The following GRM1 variants were observed in gnomAD, a reference collection of about 807,000 sequenced individuals.
GRM1 encodes glutamate metabotropic receptor 1, also known as metabotropic glutamate receptor 1.
GRM1 carries 33 observed loss-of-function variants against 90.9 expected under a neutral mutation model. That is an observed-to-expected ratio of 0.36 (90% CI 0.28 to 0.49). The LOEUF is 0.49. Among genes scored for constraint, GRM1 ranks in the 20% least tolerant of loss-of-function variants. GRM1 has a pLI of 0.99. For missense variants in GRM1, 1,190 were observed against 1,534.3 expected, an observed-to-expected ratio of 0.78 and a Z score of 3.75; for synonymous variants, 700 against 613.2, an observed-to-expected ratio of 1.14 and a Z score of -2.09.
chr6:146,332,655 T>A (rs1784624599), intron 3 of GRM1, among the ~76,000 whole-genome samples: 1 of 152,218 alleles, frequency 6.6e-6, no homozygotes, highest in African/African-American at 2.4e-5. Context: ...TTAATCTTAA[T>A]TACATATGTA....
chr6:146,271,448 G>A (rs1206460126), intron 2 of GRM1, among the ~76,000 whole-genome samples: 2 of 152,168 alleles, frequency 1.3e-5, no homozygotes, highest in East Asian at 1.9e-4. Flanking sequence ...GAAGCTGGTG[G>A]AGGTGGACAG....
At chr6:146,186,798 C>T (rs986515562) in intron 2 of GRM1, among the ~76,000 whole-genome samples, 1 of 152,128 alleles carries the variant, frequency 6.6e-6, no homozygotes, top group Non-Finnish European at 1.5e-5. Context: ...TTTAAACCCA[C>T]AAAGGTTTAT....
chr6:146,190,448 A>C (rs993401281), intron 2 of GRM1, among the ~76,000 whole-genome samples: 1 of 152,154 alleles, frequency 6.6e-6, no homozygotes, highest in South Asian at 2.1e-4. Context: ...AAAAAGTTTC[A>C]CTAAAAATGA....
intron 1 of GRM1, among the ~76,000 whole-genome samples, chr6:146,096,170 T>C (rs1472959361): frequency 6.6e-6 from 1 of 152,182 alleles, no homozygotes; most frequent in Non-Finnish European, 1.5e-5. Flanking sequence ...CAAACAGATT[T>C]ATGGAGATAT....
chr6:146,157,005 C>T (rs972514331), intron 1 of GRM1, among the ~76,000 whole-genome samples: 3 of 152,110 alleles, frequency 2.0e-5, no homozygotes, highest in Non-Finnish European at 4.4e-5. Context: ...GGTAAATAAA[C>T]CAATCTTTTG....
At chr6:146,425,985 T>C (rs1005001739) in intron 7 of GRM1, among the ~76,000 whole-genome samples, 1 of 152,216 alleles carries the variant, frequency 6.6e-6, no homozygotes, top group Non-Finnish European at 1.5e-5. Context: ...TGAGATGATA[T>C]TCTTCCTGTG....
At chr6:146,114,563 G>A (rs1775673562) in intron 1 of GRM1, among the ~76,000 whole-genome samples, 1 of 152,132 alleles carries the variant, frequency 6.6e-6, no homozygotes, top group Non-Finnish European at 1.5e-5. Flanking sequence ...TCACTCAGTT[G>A]TATATTATGA....
At chr6:146,188,179 G>GCCTTT (rs1778804749) in intron 2 of GRM1, among the ~76,000 whole-genome samples, 1 of 152,008 alleles carries the variant, frequency 6.6e-6, no homozygotes, top group South Asian at 2.1e-4. Context: ...GTCTGAAATA[G>GCCTTT]CCTTTTCTCT....
At chr6:146,330,440 C>T (rs976008096) in intron 3 of GRM1, among the ~76,000 whole-genome samples, 1 of 152,134 alleles carries the variant, frequency 6.6e-6, no homozygotes, top group Non-Finnish European at 1.5e-5. Context: ...TCAAATTTGC[C>T]ATCACATGTC....
chr6:146,047,259 T>G (rs1269115563), intron 1 of GRM1, among the ~76,000 whole-genome samples: 3 of 151,732 alleles, frequency 2.0e-5, no homozygotes, highest in Non-Finnish European at 4.4e-5. Context: ...GGATTTATTT[T>G]TAACATTTCC....
At chr6:146,178,621 G>T (rs149839898) in intron 2 of GRM1, among the ~76,000 whole-genome samples, 4 of 152,104 alleles carry the variant, frequency 2.6e-5, no homozygotes, top group Non-Finnish European at 5.9e-5. Context: ...TGTCTTCTGC[G>T]CTCAATAAGT....
chr6:146,177,597 T>G (rs1399457861), intron 2 of GRM1, among the ~76,000 whole-genome samples: 2 of 152,124 alleles, frequency 1.3e-5, no homozygotes, highest in Non-Finnish European at 2.9e-5. Context: ...AGTACTGTTT[T>G]GGAAAAAAAT....
intron 3 of GRM1, among the ~76,000 whole-genome samples, chr6:146,334,843 T>C (rs1261832858): frequency 6.6e-6 from 1 of 152,152 alleles, no homozygotes; most frequent in East Asian, 1.9e-4. Flanking sequence ...ACCATAAGCT[T>C]GAGGCCTTTG....
chr6:146,182,335 G>T (rs1178695313), intron 2 of GRM1, among the ~76,000 whole-genome samples: 1 of 151,502 alleles, frequency 6.6e-6, no homozygotes, highest in African/African-American at 2.4e-5. Context: ...ATTTTTAGTA[G>T]AATTCTAAAC....
chr6:146,375,627 ACC>A (rs1372030128), intron 5 of GRM1, among the ~76,000 whole-genome samples: 1 of 151,748 alleles, frequency 6.6e-6, no homozygotes, highest in Non-Finnish European at 1.5e-5. Flanking sequence ...AGTTGAATTG[ACC>A]CTTTTATCAT....
At chr6:146,192,569 C>T (rs1583142517) in intron 2 of GRM1, among the ~76,000 whole-genome samples, 1 of 152,180 alleles carries the variant, frequency 6.6e-6, no homozygotes, top group Admixed American at 6.5e-5. Flanking sequence ...TAGCTTATCT[C>T]TCTCATCCTC....
chr6:146,276,155 T>G (rs1435645889), intron 2 of GRM1, among the ~76,000 whole-genome samples: 1 of 152,198 alleles, frequency 6.6e-6, no homozygotes, highest in East Asian at 1.9e-4. Flanking sequence ...TAGAGCTATC[T>G]TAAAATTTAT....
intron 1 of GRM1, among the ~76,000 whole-genome samples, chr6:146,145,690 A>G (rs1411102374): frequency 6.6e-6 from 1 of 152,242 alleles, no homozygotes; most frequent in Non-Finnish European, 1.5e-5. Flanking sequence ...TCACAGGGAT[A>G]GAGGCACTGC....
chr6:146,237,885 T>C (rs1019383788), intron 2 of GRM1, among the ~76,000 whole-genome samples: 2 of 152,192 alleles, frequency 1.3e-5, no homozygotes, highest in African/African-American at 4.8e-5. Context: ...AAGATTTATG[T>C]AGCCAGCTAT....
Sources: allele counts gnomAD v4.1 joint callset (sites outside exome capture counted in the v4.1 genomes callset), GRCh38; gene constraint gnomAD v4.1.1; transcripts MANE v1.5; gene names NCBI Gene and HGNC (gene_info 2026-07-23, HGNC 2026-07-21).